The following SAMMSON variants were observed in gnomAD, a reference collection of about 807,000 sequenced individuals.
The protein encoded by SAMMSON is long intergenic non-protein coding RNA 1212.
intron 4 of SAMMSON, among the ~76,000 whole-genome samples, chr3:70,221,092 A>G (rs1248008233): frequency 6.6e-6 from 1 of 152,200 alleles, no homozygotes; most frequent in Non-Finnish European, 1.5e-5. Flanking sequence ...ATATTTTCAG[A>G]TGAGAAATTT....
intron 7 of SAMMSON, among the ~76,000 whole-genome samples, chr3:70,324,559 A>T (rs1185811023): frequency 6.6e-6 from 1 of 152,194 alleles, no homozygotes; most frequent in African/African-American, 2.4e-5. Flanking sequence ...TAATCTGTTC[A>T]GTCCTGCTTT....
chr3:70,150,673 A>G (rs11128165), intron 4 of SAMMSON, among the ~76,000 whole-genome samples: 85,753 of 151,944 alleles, frequency 0.56, 25,298 homozygotes, highest in Non-Finnish European at 0.63. Flanking sequence ...CGCATGCAGA[A>G]TATTATTAGA....
chr3:70,412,102 C>CT (rs1701224432), intron 2 of SAMMSON, among the ~76,000 whole-genome samples: 1 of 152,052 alleles, frequency 6.6e-6, no homozygotes, highest in Non-Finnish European at 1.5e-5. Flanking sequence ...TGAGGGGAAG[C>CT]TTTTAAAGGA....
At chr3:70,409,269 A>C (rs932121817) in intron 2 of SAMMSON, among the ~76,000 whole-genome samples, 7 of 152,196 alleles carry the variant, frequency 4.6e-5, no homozygotes, top group African/African-American at 1.4e-4. Flanking sequence ...ACATTTCCCC[A>C]AAAATATATT....
chr3:70,105,591 A>G lies in SAMMSON; in HGVS notation n.507+34026A>G, dbSNP rs114885991. ...TGACTCCCATGTGGAAGAGAGCACA[A>G]AACTTCCTTATGCATGAGGCATTTT... On this transcript the variant is annotated intron_variant and non_coding_transcript_variant, in intron 4 of 9. Coordinates refer to ENST00000642114, the Ensembl canonical transcript of SAMMSON. 2.3e-3 allele frequency among the ~76,000 whole-genome samples: 355 copies of G among 152,318 alleles called. 1 individual carries two copies. The highest frequency in any genetic ancestry group is 0.014 in the Middle Eastern group (4 of 294).
intron 4 of SAMMSON, among the ~76,000 whole-genome samples, chr3:70,074,374 C>G (rs1450272735): frequency 1.3e-5 from 2 of 152,014 alleles, no homozygotes; most frequent in Non-Finnish European, 2.9e-5. Flanking sequence ...TTAATACTTA[C>G]TTTGATTCAA....
exon 7 of SAMMSON, chr3:70,291,236 G>A (rs2106693159): frequency 6.6e-6 from 1 of 152,208 alleles, no homozygotes; most frequent in Non-Finnish European, 1.5e-5. Context: ...ACCAGCTATT[G>A]ACCTCAGGTA....
At chr3:70,241,762 A>T (rs1701668689) in intron 4 of SAMMSON, among the ~76,000 whole-genome samples, 1 of 152,168 alleles carries the variant, frequency 6.6e-6, no homozygotes, top group South Asian at 2.1e-4. Context: ...AGTCCATTTA[A>T]TCCTTCCTAA....
chr3:70,293,324 A>T (rs907656025), intron 7 of SAMMSON, among the ~76,000 whole-genome samples: 1 of 152,264 alleles, frequency 6.6e-6, no homozygotes. Flanking sequence ...ACTGTGATAT[A>T]GTTGTATATG....
intron 6 of SAMMSON, among the ~76,000 whole-genome samples, chr3:70,287,064 A>C (rs1366027819): frequency 7.0e-6 from 1 of 143,520 alleles, no homozygotes; most frequent in Non-Finnish European, 1.5e-5. Context: ...TCTCCTGCCT[A>C]ATTGCCCTGG....
intron 4 of SAMMSON, among the ~76,000 whole-genome samples, chr3:70,091,434 A>G (rs1208316907): frequency 6.6e-6 from 1 of 152,216 alleles, no homozygotes. Flanking sequence ...ACTGGGGACT[A>G]TCTGGGCACA....
At chr3:70,302,613 A>T (rs1476819545) in intron 7 of SAMMSON, 2 of 152,116 alleles carry the variant, frequency 1.3e-5, no homozygotes, top group African/African-American at 2.4e-5. Context: ...TCTTCTTCCT[A>T]TTGGGACTGG....
Position 70,301,205 on chromosome 3 carries a change from C to T in SAMMSON, n.739+9962C>T, listed in dbSNP as rs559061682. 2.6e-5 allele frequency among the ~76,000 whole-genome samples: 4 copies of T among 152,154 alleles called. No individual in the cohort carries two copies. The South Asian group carries it at 8.3e-4, about 32-fold the overall frequency. On this transcript the variant is annotated intron_variant and non_coding_transcript_variant, in intron 7 of 9. Transcript: ENST00000642114. ...ATTAATTCTGTTGTTTCAAGTGACT[C>T]TTTAGCATAGTTGTTTTAGCCCAAA...
intron 3 of SAMMSON, among the ~76,000 whole-genome samples, chr3:70,028,155 C>T (rs953626857): frequency 5.5e-4 from 47 of 85,258 alleles, no homozygotes; most frequent in East Asian, 2.2e-3. Context: ...TCCTTCCTTC[C>T]TTCCTTCCTT....
intron 4 of SAMMSON, among the ~76,000 whole-genome samples, chr3:70,199,583 G>A (rs373681519): frequency 1.3e-5 from 2 of 152,080 alleles, no homozygotes; most frequent in East Asian, 3.9e-4. Context: ...GATCTTTCAA[G>A]TGAGTTCCAC....
At chr3:70,276,764 A>G (rs781477563) in intron 6 of SAMMSON, among the ~76,000 whole-genome samples, 40 of 152,366 alleles carry the variant, frequency 2.6e-4, no homozygotes, top group Middle Eastern at 3.4e-3. Context: ...CTATAATGGC[A>G]GAATTGAATA....
intron 4 of SAMMSON, chr3:70,125,092 A>C (rs1356303437): frequency 1.0e-6 from 1 of 989,778 alleles, no homozygotes; most frequent in Non-Finnish European, 1.6e-6. Context: ...CTTCCTTAGG[A>C]TCTGGTTTTT....
chr3:70,411,754 C>G (rs10470583), intron 2 of SAMMSON, among the ~76,000 whole-genome samples: 35,836 of 152,072 alleles, frequency 0.24, 4,654 homozygotes, highest in Non-Finnish European at 0.3. Context: ...TTAAGAAGTG[C>G]CTTTGCACCT....
intron 7 of SAMMSON, among the ~76,000 whole-genome samples, chr3:70,317,052 C>A (rs1043879154): frequency 6.6e-6 from 1 of 151,944 alleles, no homozygotes; most frequent in African/African-American, 2.4e-5. Flanking sequence ...TAATATAGTT[C>A]ACATAGCAAA....
Sources: allele counts gnomAD v4.1 joint callset (sites outside exome capture counted in the v4.1 genomes callset), GRCh38; gene constraint gnomAD v4.1.1; transcripts MANE v1.5; gene names NCBI Gene and HGNC (gene_info 2026-07-23, HGNC 2026-07-21).